Variants in ADAMTSL5 observed in about 807,000 individuals in gnomAD.
ADAMTSL5 encodes the protein ADAMTS-like protein 5.
In ADAMTSL5, 53 loss-of-function variants were observed where a neutral mutation model predicts 51.7. The observed-to-expected ratio is 1.03, with a 90% CI of 0.82 to 1.29. The LOEUF is 1.29. Ranked by LOEUF, ADAMTSL5 falls within the 50% of genes most tolerant of loss-of-function variation. The pLI is 0.00. For missense variants in ADAMTSL5, 770 were observed against 676.2 expected, an observed-to-expected ratio of 1.14 and a Z score of -1.54; for synonymous variants, 285 against 278.7, an observed-to-expected ratio of 1.02 and a Z score of -0.23.
intron 5 of ADAMTSL5, 79 bp downstream of exon 5, chr19:1,510,071 C>T (rs931145626): frequency 7.6e-6 from 9 of 1,179,224 alleles, no homozygotes; most frequent in Non-Finnish European, 1.1e-5. Context: ...CTCTTTGCAA[C>T]CCTCCAAGAC....
At position 1,510,877 on chromosome 19, in the gene ADAMTSL5, G is replaced by A. The variant is rs774078697; in HGVS notation, c.67C>T (p.Leu23=). The A allele has an allele frequency of 3.3e-6, 5 of 1,534,258 alleles. No homozygotes were observed. In the African/African-American group the frequency reaches 5.7e-5, roughly 18 times the overall value. The part of the protein sequence containing the change: ...FQNLLLFLWA[L]LNCGLGVSAQ... ...CTGACCCCCAAACCACAGTTCAGCA[G>A]GGCCCACAGGAAGAGCAGGAGGTTC... The change falls in exon 2 of 12, where the codon CTG becomes TTG. Residue 23 remains leucine, a synonymous_variant. Transcript: ENST00000330475.
chr19:1,510,473 C>A, intron 3 of ADAMTSL5, 45 bp from the exon 4 acceptor site: 1 of 1,559,294 alleles, frequency 6.4e-7, no homozygotes, highest in Non-Finnish European at 8.7e-7. Context: ...GGACCCCCTC[C>A]CAGGGCTGGC....
rs149051157 is a variant in ADAMTSL5 at position 1,507,271 on chromosome 19, C to A, written c.823G>T (p.Gly275Trp). Reference protein sequence around the residue: ...TGPQETLQAAGPTSHDLLLQV... With the variant: ...TGPQETLQAAWPTSHDLLLQV... ...AGGAGCAGGTCATGGGAGGTGGGCCCGGCTGCTTGCAATGTCTCCTGGGGC... is the reference window on the plus strand; with the variant it reads ...AGGAGCAGGTCATGGGAGGTGGGCCAGGCTGCTTGCAATGTCTCCTGGGGC... Residue 275 changes from glycine to tryptophan, a missense_variant, in exon 9 of 12, where the codon GGG (glycine) becomes TGG (tryptophan). Gly to Trp is a radical substitution (Grantham distance 184). Coordinates refer to ENST00000330475, the MANE Select transcript of ADAMTSL5 (RefSeq NM_213604.3). The A allele has an allele frequency of 1.3e-6, 2 of 1,555,866 alleles. No homozygotes were observed. Among genetic ancestry groups the A allele is most frequent in the Non-Finnish European group, 1.7e-6 (2 of 1,151,994 alleles).
rs1256887233 is a variant in ADAMTSL5 at position 1,506,917 on chromosome 19, C to T, written c.864G>A (p.Gln288=). 1 of 1,548,060 alleles carries T rather than the reference C, an allele frequency of 6.5e-7. No homozygotes were observed. The part of the protein sequence containing the change: ...SHDLLLQVLL[Q]EPNPGIEFEF... ...CAAACTCGATGCCAGGGTTGGGCTC[C>T]TGCAGGAGGACCTGGAGCAGGGGAG... Residue 288 remains glutamine, a synonymous_variant, in exon 10 of 12, where the codon CAG becomes CAA. Transcript: ENST00000330475. The surrounding 1 kb of genome is among the most constrained non-coding windows in gnomAD (Gnocchi z 5.6).
chr19:1,509,693 G>A (rs1378339060), intron 5 of ADAMTSL5, among the ~76,000 whole-genome samples: 1 of 152,046 alleles, frequency 6.6e-6, no homozygotes, highest in Non-Finnish European at 1.5e-5. Context: ...GGAAGAAAGG[G>A]AAGGAAGGAA....
chr19:1,508,512 G>A lies in ADAMTSL5; in HGVS notation c.420C>T (p.Phe140=). 1.3e-6 allele frequency: 2 copies of A among 1,586,544 alleles called. No individual in the cohort carries two copies. Among genetic ancestry groups the A allele is most frequent in the Admixed American group, 1.7e-5 (1 of 58,610 alleles). The change falls in exon 6 of 12, where the codon TTC becomes TTT. Residue 140 remains phenylalanine (F), a synonymous_variant. Transcript: ENST00000330475. Reference sequence around the variant, plus strand: ...AGGCGGTGCCGTCCAGGACGCGGCCGAAGCTGTGGTAGAAGGCGTGCCCCT... The same window carrying A: ...AGGCGGTGCCGTCCAGGACGCGGCCAAAGCTGTGGTAGAAGGCGTGCCCCT... ...LAEGHAFYHS[F]GRVLDGTACS...
chr19:1,507,292 G>T lies in ADAMTSL5; in HGVS notation c.802C>A (p.Gln268Lys). Residue 268 changes from glutamine (Q) to lysine (K), a missense_variant, in exon 9 of 12, where the codon CAG becomes AAG. Gln to Lys is a moderately conservative substitution (Grantham distance 53, BLOSUM62 1). Transcript: ENST00000330475. ...GGCCCGGCTGCTTGCAATGTCTCCT[G>T]GGGCCCTGTGTCTCGGGTGTAGACC... The part of the protein sequence containing the change: ...HVVYTRDTGP[Q>K]ETLQAAGPTS... 1 of 1,582,274 alleles carries T rather than the reference G, an allele frequency of 6.3e-7. No homozygotes were observed. Among genetic ancestry groups the T allele is most frequent in the South Asian group, 1.2e-5 (1 of 86,582 alleles).
chr19:1,507,928 G>C, intron 7 of ADAMTSL5, 70 bp downstream of exon 7: 2 of 1,486,332 alleles, frequency 1.3e-6, no homozygotes, highest in Non-Finnish European at 1.8e-6. Context: ...ACGGAAATTT[G>C]CTTCCGGGCC....
Position 1,506,116 on chromosome 19 carries a change from T to C in ADAMTSL5, c.1315A>G (p.Thr439Ala). The change falls in exon 12 of 12, where the codon ACA becomes GCA. Residue 439 changes from threonine (T) to alanine (A), a missense_variant. Transcript: ENST00000330475. This position sits in a 1 kb window ranked among gnomAD's most constrained non-coding sequence, Gnocchi z 5.6. ...TGGGGCAGCAGCAGCTGGTCCTGTGTGCCGTCGGGGCTGACAAGACGCTGG... is the reference window on the plus strand; with the variant it reads ...TGGGGCAGCAGCAGCTGGTCCTGTGCGCCGTCGGGGCTGACAAGACGCTGG... ...AVQRLVSPDG[T>A]QDQLLLPHAG... 6.2e-7 allele frequency: 1 copy of C among 1,607,320 alleles called. No homozygotes were observed. The highest frequency in any genetic ancestry group is 2.2e-5 in the East Asian group (1 of 44,734).
intron 6 of ADAMTSL5, 68 bp from the exon 7 acceptor site, chr19:1,508,177 G>C (rs543229565): frequency 6.8e-7 from 1 of 1,467,096 alleles, no homozygotes; most frequent in Non-Finnish European, 9.1e-7. Context: ...AAAGGGCAGT[G>C]CCTGGGAGCA....
In ADAMTSL5 at chr19:1,507,865, A is replaced by G. The variant is rs1215929833; in HGVS notation, c.601+133T>C. 3.7e-6 allele frequency: 4 copies of G among 1,085,152 alleles called. No individual in the cohort carries two copies. In the East Asian group the frequency reaches 1.0e-4, roughly 28 times the overall value. 67.2% of individuals were successfully genotyped at this position (1,085,152 alleles called of 1,614,324 possible). On this transcript the variant is annotated intron_variant, in intron 7 of 11. Coordinates refer to ENST00000330475, the MANE Select transcript of ADAMTSL5 (RefSeq NM_213604.3). The stretch of plus-strand genomic sequence containing the variant: ...GGGAAGGGCGGGACAATCTGTCAGT[A>G]GCCAATCAGGATGAGGAGAAAGGGG...
Position 1,506,801 on chromosome 19 carries a change from AC to A in ADAMTSL5, c.979del (p.Val327TrpfsTer101), listed in dbSNP as rs939737122. 3 of 1,538,422 alleles carry A rather than the reference AC, an allele frequency of 2.0e-6. No individual in the cohort carries two copies. The highest frequency in any genetic ancestry group is 4.3e-5 in the Admixed American group (2 of 46,632). On this transcript the variant is annotated frameshift_variant, in exon 10 of 12. Coordinates refer to ENST00000330475, the MANE Select transcript of ADAMTSL5 (RefSeq NM_213604.3). LOFTEE classifies it high-confidence loss of function. The surrounding 1 kb of genome is among the most constrained non-coding windows in gnomAD (Gnocchi z 5.6). ...WPLRQPQPRG[V>X]EPQPPAAPAV... ...AGGGGCTGCGGGGGGCTGAGGCTCC[AC>A]CCCCCGGGGCTGAGGCTGCCTCAGG...
intron 1 of ADAMTSL5, among the ~76,000 whole-genome samples, chr19:1,512,332 C>G (rs1351492743): frequency 6.6e-6 from 1 of 152,188 alleles, no homozygotes; most frequent in Non-Finnish European, 1.5e-5. Flanking sequence ...CTCTCTGAGC[C>G]TAGAGCCTGG....
chr19:1,511,694 G>T, intron 1 of ADAMTSL5: 1 of 743,824 alleles, frequency 1.3e-6, no homozygotes, highest in Non-Finnish European at 2.0e-6. Context: ...TGCAGTGGGG[G>T]CCAAGTGGAC....
At chr19:1,507,908 G>A (rs1039574402) in intron 7 of ADAMTSL5, 90 bp downstream of exon 7, 8 of 1,383,694 alleles carry the variant, frequency 5.8e-6, no homozygotes, top group South Asian at 3.9e-5. Context: ...CCGCACACTG[G>A]CCAATCAGCA....
rs764356215 is a variant in ADAMTSL5, at chr19:1,507,408, G to A, written c.689-3C>T. 6.3e-7 allele frequency: 1 copy of A among 1,580,558 alleles called. No individual in the cohort carries two copies. The highest frequency in any genetic ancestry group is 1.7e-5 in the Admixed American group (1 of 57,206). On this transcript the variant is annotated splice_polypyrimidine_tract_variant and splice_region_variant and intron_variant, in intron 8 of 11. Transcript: ENST00000330475. ...GCGCCCATCGCCCCCCATCAGTGCT[G>A]CAAGGGAACAGTCAGCCCTCAGGAA...
chr19:1,509,947 C>T (rs1016078584), intron 5 of ADAMTSL5, among the ~76,000 whole-genome samples: 1 of 152,176 alleles, frequency 6.6e-6, no homozygotes, highest in Non-Finnish European at 1.5e-5. Context: ...GGGTGTTCAG[C>T]CCTGTGCAGA....
Position 1,507,377 on chromosome 19 carries a change from C to T in ADAMTSL5, c.717G>A (p.Val239=). ...LALMGGDGRY[V]LNGHWVVSPP... is the part of the protein sequence containing the mutation. ...GGCTGACCACCCAGTGCCCATTAAG[C>T]ACGTAGCGCCCATCGCCCCCCATCA... Residue 239 remains valine (V), a synonymous_variant, in exon 9 of 12, where the codon GTG becomes GTA. Transcript: ENST00000330475. The T allele has an allele frequency of 1.3e-6, 2 of 1,574,414 alleles. No individual in the cohort carries two copies. The highest frequency in any genetic ancestry group is 4.5e-5 in the East Asian group (2 of 44,560).
At chr19:1,508,311 GGGGAGGGGGAAGGCGGTGGAGCCTA>G (rs1913069870) in intron 6 of ADAMTSL5, 107 bp downstream of exon 6, 1 of 1,285,492 alleles carries the variant, frequency 7.8e-7, no homozygotes, top group South Asian at 1.6e-5. Flanking sequence ...GGGCCTGGAA[GGGGAGGGGGAAGGCGGTGGAGCCTA>G]GGGAGGGGGT....
Sources: allele counts gnomAD v4.1 joint callset (sites outside exome capture counted in the v4.1 genomes callset), GRCh38; gene constraint gnomAD v4.1.1; non-coding constraint Gnocchi (gnomAD v3.1); transcripts MANE v1.5; gene names NCBI Gene and HGNC (gene_info 2026-07-23, HGNC 2026-07-21).